The following LPAR1 variants were observed in gnomAD, a reference collection of about 807,000 sequenced individuals.
LPAR1 encodes the protein LPA receptor 1.
LPAR1 carries 5 observed loss-of-function variants against 23.8 expected under a neutral mutation model. The ratio of observed to expected loss-of-function variants is 0.21; its 90% confidence interval spans 0.11 to 0.44. The LOEUF (loss-of-function observed/expected upper bound fraction) is 0.44, where lower values mean the gene tolerates loss of function less well. Among genes scored for constraint, LPAR1 ranks in the 20% least tolerant of loss-of-function variants. The probability of loss-of-function intolerance (pLI) is 0.99; values close to 1 mark genes in which losing one functional copy is unlikely to be tolerated. For missense variants in LPAR1, 311 were observed against 482.8 expected (o/e 0.64, Z 3.33); for synonymous variants, 160 against 164.7 (o/e 0.97, Z 0.22).
chr9:110,943,058 A>G (rs569891694), intron 4 of LPAR1, among the ~76,000 whole-genome samples: 1 of 148,410 alleles, frequency 6.7e-6, no homozygotes, highest in East Asian at 1.9e-4. Context: ...GACAGTTTAA[A>G]ACAGAATAAT....
intron 2 of LPAR1, among the ~76,000 whole-genome samples, chr9:111,017,508 G>C (rs2097477345): frequency 1.3e-5 from 2 of 152,194 alleles, no homozygotes; most frequent in Admixed American, 1.3e-4. Flanking sequence ...AGTGGTCCCT[G>C]ACTGTAATAT....
At chr9:110,949,771 A>G (rs1303748548) in intron 4 of LPAR1, among the ~76,000 whole-genome samples, 1 of 152,232 alleles carries the variant, frequency 6.6e-6, no homozygotes, top group Non-Finnish European at 1.5e-5. Context: ...TATCTTCAAG[A>G]TACACACAAA....
chr9:110,913,433 T>C (rs140332450), intron 5 of LPAR1, among the ~76,000 whole-genome samples: 75 of 152,320 alleles, frequency 4.9e-4, no homozygotes, highest in African/African-American at 1.7e-3. Context: ...TGTCATAATA[T>C]ACATACACAC....
chr9:110,974,726 T>C (rs1348515219), intron 2 of LPAR1, among the ~76,000 whole-genome samples: 2 of 152,206 alleles, frequency 1.3e-5, no homozygotes, highest in Non-Finnish European at 2.9e-5. Flanking sequence ...AGTCCCAGTT[T>C]TAGGAACAAA....
chr9:111,023,852 C>T (rs956474928), intron 2 of LPAR1, among the ~76,000 whole-genome samples: 1 of 152,088 alleles, frequency 6.6e-6, no homozygotes, highest in Non-Finnish European at 1.5e-5. Context: ...AAACTATATA[C>T]AACTAATGTC....
chr9:111,018,272 T>C (rs2097495223), intron 2 of LPAR1, among the ~76,000 whole-genome samples: 1 of 152,224 alleles, frequency 6.6e-6, no homozygotes, highest in Non-Finnish European at 1.5e-5. Flanking sequence ...TTTAAGTTTT[T>C]CTCAAACTCT....
intron 5 of LPAR1, among the ~76,000 whole-genome samples, chr9:110,888,087 G>A (rs1047648662): frequency 1.3e-5 from 2 of 152,046 alleles, no homozygotes; most frequent in Non-Finnish European, 2.9e-5. Flanking sequence ...CTTAATGGAG[G>A]ATAAAATTCA....
At chr9:110,922,694 CTG>C (rs1314360083) in intron 5 of LPAR1, among the ~76,000 whole-genome samples, 2 of 151,712 alleles carry the variant, frequency 1.3e-5, no homozygotes, top group Admixed American at 6.6e-5. Context: ...TGTAAAAAAA[CTG>C]AGACAGTATG....
At chr9:110,961,207 T>C (rs1190600288) in intron 4 of LPAR1, among the ~76,000 whole-genome samples, 5 of 64,610 alleles carry the variant, frequency 7.7e-5, no homozygotes, top group Non-Finnish European at 1.8e-4. Context: ...TTTATAACCA[T>C]TTTAAGGGGA....
At chr9:110,953,071 A>G (rs1212190862) in intron 4 of LPAR1, among the ~76,000 whole-genome samples, 4 of 152,126 alleles carry the variant, frequency 2.6e-5, no homozygotes, top group Non-Finnish European at 1.5e-5. Flanking sequence ...CACAGTATGG[A>G]CCACCTGGAT....
intron 2 of LPAR1, among the ~76,000 whole-genome samples, chr9:111,031,892 T>C (rs1690971857): frequency 6.6e-6 from 1 of 152,210 alleles, no homozygotes; most frequent in African/African-American, 2.4e-5. Flanking sequence ...GTATTGAGAC[T>C]ACCTTGGAGA....
At chr9:110,887,558 CTCTT>C (rs1249641389) in intron 5 of LPAR1, among the ~76,000 whole-genome samples, 3 of 152,144 alleles carry the variant, frequency 2.0e-5, no homozygotes, top group South Asian at 2.1e-4. Flanking sequence ...TAAGATATCT[CTCTT>C]TATCAAAAAC....
At chr9:111,021,004 A>T (rs1055080311) in intron 2 of LPAR1, among the ~76,000 whole-genome samples, 3 of 152,220 alleles carry the variant, frequency 2.0e-5, no homozygotes, top group African/African-American at 7.2e-5. Flanking sequence ...AACAAAAAAT[A>T]AGAACGAGTG....
intron 5 of LPAR1, among the ~76,000 whole-genome samples, chr9:110,933,332 G>A (rs986786289): frequency 3.3e-5 from 5 of 152,078 alleles, no homozygotes; most frequent in African/African-American, 1.2e-4. Context: ...AAAAGAGAAA[G>A]GGAAAGAAAA....
chr9:110,966,841 T>C (rs370008337), intron 4 of LPAR1, among the ~76,000 whole-genome samples: 34 of 152,176 alleles, frequency 2.2e-4, no homozygotes, highest in Non-Finnish European at 4.0e-4. Flanking sequence ...CTGCTCACTC[T>C]GGTACTGAAC....
intron 4 of LPAR1, among the ~76,000 whole-genome samples, chr9:110,946,835 A>G (rs926437997): frequency 6.6e-6 from 1 of 152,204 alleles, no homozygotes. Context: ...ATAAAATAGC[A>G]ATTTAATAAT....
At chr9:110,886,225 G>A (rs12348208) in intron 5 of LPAR1, among the ~76,000 whole-genome samples, 4,704 of 148,604 alleles carry the variant, frequency 0.032, 260 homozygotes, top group African/African-American at 0.11. Context: ...TTAGCTGGGC[G>A]TGGTGACACA....
intron 4 of LPAR1, among the ~76,000 whole-genome samples, chr9:110,944,537 A>G (rs1480035561): frequency 6.6e-6 from 1 of 152,232 alleles, no homozygotes; most frequent in Non-Finnish European, 1.5e-5. Flanking sequence ...TTTAAACCAA[A>G]TATCAAGCGT....
chr9:110,912,237 G>A (rs535759485), intron 5 of LPAR1, among the ~76,000 whole-genome samples: 2 of 152,292 alleles, frequency 1.3e-5, no homozygotes, highest in South Asian at 2.1e-4. Flanking sequence ...TCTCTTTGCT[G>A]TGACCCTCTC....
Sources: gnomAD v4.1 joint callset for allele counts (sites outside exome capture counted in the v4.1 genomes callset) on GRCh38, gnomAD v4.1.1 for gene constraint, MANE v1.5 for transcripts, NCBI Gene and HGNC (gene_info 2026-07-23, HGNC 2026-07-21) for gene names.